The following VWA3B variants were observed in gnomAD, a reference collection of about 807,000 sequenced individuals.
VWA3B encodes the protein von Willebrand factor A domain-containing protein 3B.
A neutral mutation model predicts 158.3 loss-of-function variants in VWA3B; 138 were observed. The observed-to-expected ratio is 0.87, with a 90% confidence interval of 0.76 to 1.00. The LOEUF is 1.00. Among genes scored for constraint, VWA3B ranks in the 50% least tolerant of loss-of-function variants. The probability of loss-of-function intolerance (pLI) is 0.00; values close to 1 mark genes in which losing one functional copy is unlikely to be tolerated. For missense variants in VWA3B, 1,555 were observed against 1,565.1 expected, an observed-to-expected ratio of 0.99 and a Z score of 0.11; for synonymous variants, 596 against 587.3, an observed-to-expected ratio of 1.01 and a Z score of -0.21.
At chr2:98,286,509 A>G (rs754088184) in intron 22 of VWA3B, among the ~76,000 whole-genome samples, 7 of 152,126 alleles carry the variant, frequency 4.6e-5, no homozygotes, top group Non-Finnish European at 8.8e-5. Flanking sequence ...TTCTCCTTGC[A>G]TTGAAATAAC....
intron 26 of VWA3B, among the ~76,000 whole-genome samples, chr2:98,307,941 C>A (rs1269885951): frequency 6.6e-6 from 1 of 152,174 alleles, no homozygotes; most frequent in African/African-American, 2.4e-5. Context: ...GGAGCCTTTC[C>A]TCCAGGTCTC....
At chr2:98,302,009 T>A (rs1439503722) in intron 25 of VWA3B, among the ~76,000 whole-genome samples, 1 of 152,218 alleles carries the variant, frequency 6.6e-6, no homozygotes, top group Admixed American at 6.5e-5. Context: ...GTTTGCCTGA[T>A]TGACGTCTCC....
Position 98,119,536 on chromosome 2 carries a change from TTA to T in VWA3B, c.317_318del (p.Tyr106SerfsTer51), listed in dbSNP as rs1311376958. On this transcript the variant is annotated frameshift_variant, in exon 4 of 28. Coordinates refer to ENST00000477737, the MANE Select transcript of VWA3B (RefSeq NM_144992.5). LOFTEE classifies it high-confidence loss of function. The part of the protein sequence containing the change: ...YNLTAKSELI[Y>X]QFVEHLTQAV... ...AGCTGACAGCTAAATCAGAACTGAT[TTA>T]TCAGTTTGTGGAACATTTAACACAA... is the stretch of plus-strand genomic sequence containing the variant. The T allele has an allele frequency of 2.5e-6, 4 of 1,613,878 alleles. No homozygotes were observed. In the African/African-American group the frequency reaches 5.3e-5, roughly 22 times the overall value.
chr2:98,234,288 T>C (rs908360527), intron 16 of VWA3B, among the ~76,000 whole-genome samples: 1 of 152,204 alleles, frequency 6.6e-6, no homozygotes, highest in Non-Finnish European at 1.5e-5. Context: ...GCTATTACTG[T>C]CTTGAAGATG....
At chr2:98,138,559 T>C (rs1676468388) in intron 7 of VWA3B, among the ~76,000 whole-genome samples, 1 of 152,278 alleles carries the variant, frequency 6.6e-6, no homozygotes, top group East Asian at 1.9e-4. Flanking sequence ...ATGACAAATA[T>C]GTGTGGGGCG....
intron 7 of VWA3B, among the ~76,000 whole-genome samples, chr2:98,154,788 GATTTCCGACTGC>G (rs1298287096): frequency 6.6e-6 from 1 of 152,232 alleles, no homozygotes; most frequent in African/African-American, 2.4e-5. Context: ...AGCCAGTGCA[GATTTCCGACTGC>G]ATTTGAATTT....
At chr2:98,218,754 G>C (rs899500936) in intron 14 of VWA3B, among the ~76,000 whole-genome samples, 3 of 152,176 alleles carry the variant, frequency 2.0e-5, no homozygotes, top group African/African-American at 7.2e-5. Context: ...TGGGTAGCAG[G>C]ACAAGTCAGA....
intron 22 of VWA3B, among the ~76,000 whole-genome samples, chr2:98,273,996 T>A (rs1172799310): frequency 6.6e-6 from 1 of 152,192 alleles, no homozygotes; most frequent in Non-Finnish European, 1.5e-5. Context: ...TCTATTTCTT[T>A]CTTTTCTTAC....
chr2:98,254,441 C>A (rs1223796837), intron 20 of VWA3B, among the ~76,000 whole-genome samples: 1 of 152,108 alleles, frequency 6.6e-6, no homozygotes, highest in Non-Finnish European at 1.5e-5. Context: ...ACCTAAAATG[C>A]GTACTATAAA....
At chr2:98,157,150 C>T (rs528554010) in intron 7 of VWA3B, among the ~76,000 whole-genome samples, 2 of 152,240 alleles carry the variant, frequency 1.3e-5, no homozygotes, top group South Asian at 2.1e-4. Flanking sequence ...GCCACATTCA[C>T]GTATTAGACG....
intron 8 of VWA3B, among the ~76,000 whole-genome samples, chr2:98,171,848 T>C (rs1269820622): frequency 1.3e-5 from 2 of 152,106 alleles, no homozygotes; most frequent in Non-Finnish European, 2.9e-5. Context: ...AGGGAGACTT[T>C]GGGTGCTGAA....
intron 9 of VWA3B, among the ~76,000 whole-genome samples, chr2:98,185,018 C>G (rs1409614297): frequency 6.6e-6 from 1 of 152,198 alleles, no homozygotes; most frequent in Admixed American, 6.5e-5. Flanking sequence ...TTCCAATACC[C>G]CAACCTCTCA....
intron 21 of VWA3B, among the ~76,000 whole-genome samples, chr2:98,268,061 C>A (rs1270027661): frequency 1.3e-5 from 2 of 151,728 alleles, no homozygotes; most frequent in East Asian, 1.9e-4. Flanking sequence ...GCTTACCAAC[C>A]AAAAAGAGTC....
chr2:98,121,135 CT>C (rs1674925390), intron 4 of VWA3B, among the ~76,000 whole-genome samples, 163 bp from the exon 5 acceptor site: 1 of 152,156 alleles, frequency 6.6e-6, no homozygotes, highest in Non-Finnish European at 1.5e-5. Context: ...AAACAGCTTG[CT>C]GGTTTTGTTG....
chr2:98,244,538 G>A (rs141592873), intron 19 of VWA3B, among the ~76,000 whole-genome samples: 60 of 151,906 alleles, frequency 3.9e-4, no homozygotes, highest in Non-Finnish European at 7.9e-4. Flanking sequence ...CAAATTTGGT[G>A]GAATCCAAAC....
chr2:98,314,746 G>A (rs1248937678), downstream of VWA3B, among the ~76,000 whole-genome samples: 1 of 152,226 alleles, frequency 6.6e-6, no homozygotes, highest in Non-Finnish European at 1.5e-5. Flanking sequence ...AAGCTGGCCG[G>A]ACTTGGTGGC....
rs542106937 is a variant in VWA3B at position 98,176,505 on chromosome 2, T to C, written c.1115-4511T>C. 1.9e-4 allele frequency among the ~76,000 whole-genome samples: 28 copies of C among 146,904 alleles called. 1 individual carries two copies. The highest frequency in any genetic ancestry group is 2.9e-4 in the Non-Finnish European group (19 of 66,604). Reference sequence around the variant, plus strand: ...TTCTTCGGTCTTCCCCTCCCTCCCTTCTTTCTCTTCCTCCCTCCTTCCTTC... The same window carrying C: ...TTCTTCGGTCTTCCCCTCCCTCCCTCCTTTCTCTTCCTCCCTCCTTCCTTC... On this transcript the variant is annotated intron_variant, in intron 8 of 27. Coordinates refer to ENST00000477737, the MANE Select transcript of VWA3B (RefSeq NM_144992.5).
At chr2:98,237,634 C>G (rs1479289426) in intron 19 of VWA3B, among the ~76,000 whole-genome samples, 1 of 152,130 alleles carries the variant, frequency 6.6e-6, no homozygotes, top group East Asian at 1.9e-4. Flanking sequence ...TCCAGTGGAA[C>G]GGCATTACTG....
chr2:98,208,966 A>G (rs1327133765), intron 12 of VWA3B, among the ~76,000 whole-genome samples: 1 of 151,950 alleles, frequency 6.6e-6, no homozygotes, highest in Non-Finnish European at 1.5e-5. Context: ...TTCTCCTTCA[A>G]CCCTGGAGGA....
Sources: gnomAD v4.1 joint callset for allele counts (sites outside exome capture counted in the v4.1 genomes callset) on GRCh38, gnomAD v4.1.1 for gene constraint, MANE v1.5 for transcripts, NCBI Gene and HGNC (gene_info 2026-07-23, HGNC 2026-07-21) for gene names.